DGLUCY: variants seen among roughly 807,000 people sequenced by gnomAD.
The protein encoded by DGLUCY is D-glutamate cyclase, mitochondrial.
In DGLUCY, 58 loss-of-function variants were observed where a neutral mutation model predicts 58.5. The ratio of observed to expected loss-of-function variants is 0.99; its 90% confidence interval spans 0.80 to 1.23. DGLUCY has a LOEUF of 1.23. DGLUCY is among the 50% of genes most tolerant of loss of function. The pLI, the probability that DGLUCY is intolerant of heterozygous loss-of-function variation, is 0.00. For synonymous variants in DGLUCY, 325 were observed against 314.1 expected (o/e 1.03, Z -0.37); for missense variants, 779 against 784.7 (o/e 0.99, Z 0.09).
At chr14:91,139,886 A>G (rs1045547505) in intron 1 of DGLUCY, among the ~76,000 whole-genome samples, 1 of 152,178 alleles carries the variant, frequency 6.6e-6, no homozygotes, top group Non-Finnish European at 1.5e-5. Context: ...GGACTTCAGG[A>G]TTTAAAAGGG....
chr14:91,130,546 T>A (rs1416898966), intron 1 of DGLUCY, among the ~76,000 whole-genome samples: 3 of 152,264 alleles, frequency 2.0e-5, no homozygotes, highest in Non-Finnish European at 2.9e-5. Context: ...GACCTTGTGA[T>A]CCGCCCTCCT....
intron 1 of DGLUCY, among the ~76,000 whole-genome samples, chr14:91,146,720 G>C (rs562294937): frequency 3.6e-4 from 55 of 152,298 alleles, no homozygotes; most frequent in African/African-American, 1.2e-3. Context: ...CAGAATGGAA[G>C]GGGGCCCATG....
intron 1 of DGLUCY, among the ~76,000 whole-genome samples, chr14:91,078,185 C>T (rs1000826792): frequency 6.6e-6 from 1 of 152,084 alleles, no homozygotes; most frequent in Non-Finnish European, 1.5e-5. Flanking sequence ...CCCACCACCA[C>T]GCCTGGCTCC....
At chr14:91,172,919 C>T (rs2048649710) in intron 5 of DGLUCY, among the ~76,000 whole-genome samples, 1 of 152,196 alleles carries the variant, frequency 6.6e-6, no homozygotes, top group Admixed American at 6.5e-5. Flanking sequence ...GCTGGGATTA[C>T]AGGTGTGAGC....
chr14:91,127,228 T>A (rs1451626899), intron 1 of DGLUCY, among the ~76,000 whole-genome samples: 1 of 152,008 alleles, frequency 6.6e-6, no homozygotes, highest in African/African-American at 2.4e-5. Flanking sequence ...GGGTATTTTT[T>A]AAATATTTTG....
At chr14:91,157,556 A>G (rs139172909) in intron 1 of DGLUCY, 83 bp from the exon 2 acceptor site, 66 of 152,186 alleles carry the variant, frequency 4.3e-4, no homozygotes, top group African/African-American at 1.5e-3. Flanking sequence ...GTCACCATAT[A>G]TGGTGGTAGT....
At chr14:91,135,653 T>TAAAAAAAAAAAAA in intron 1 of DGLUCY, among the ~76,000 whole-genome samples, 1 of 100,316 alleles carries the variant, frequency 1.0e-5, no homozygotes, top group Non-Finnish European at 1.8e-5. Flanking sequence ...TCTGCCTCAT[T>TAAAAAAAAAAAAA]AAAAAAAAAA....
intron 1 of DGLUCY, among the ~76,000 whole-genome samples, chr14:91,117,413 C>T (rs191685898): frequency 1.0e-3 from 154 of 152,232 alleles, no homozygotes; most frequent in Non-Finnish European, 1.9e-3. Flanking sequence ...TACCCAGCCC[C>T]TGTTCGAGAT....
chr14:91,085,473 G>T (rs1467337108), intron 1 of DGLUCY, among the ~76,000 whole-genome samples: 1 of 151,540 alleles, frequency 6.6e-6, no homozygotes, highest in African/African-American at 2.4e-5. Flanking sequence ...AGTCGGTACA[G>T]TTGTCCCTCA....
At chr14:91,171,100 G>A (rs888225506) in intron 5 of DGLUCY, among the ~76,000 whole-genome samples, 1 of 152,124 alleles carries the variant, frequency 6.6e-6, no homozygotes, top group African/African-American at 2.4e-5. Flanking sequence ...TCTGGCTCTG[G>A]AACACAGCAC....
intron 1 of DGLUCY, among the ~76,000 whole-genome samples, chr14:91,139,558 G>A (rs932181430): frequency 6.6e-6 from 1 of 152,262 alleles, no homozygotes; most frequent in South Asian, 2.1e-4. Context: ...GGTGGCTTGT[G>A]CCTATAATCC....
chr14:91,180,657 CTA>C (rs1216130427), intron 7 of DGLUCY, among the ~76,000 whole-genome samples: 1 of 151,358 alleles, frequency 6.6e-6, no homozygotes, highest in Admixed American at 6.6e-5. Flanking sequence ...TTCTTAATAA[CTA>C]TGCTAGAGTG....
intron 5 of DGLUCY, among the ~76,000 whole-genome samples, chr14:91,171,487 T>C (rs761569228): frequency 7.9e-5 from 12 of 152,310 alleles, no homozygotes; most frequent in South Asian, 2.1e-4. Flanking sequence ...TGGGATTCCA[T>C]TGGCCACCCC....
rs138724609 is a variant in DGLUCY, at chr14:91,205,699, C to T, written c.1564+874C>T. Among the ~76,000 whole-genome samples, 520 of 151,612 alleles carry T rather than the reference C, an allele frequency of 3.4e-3. 9 individuals are homozygous for T. The highest frequency in any genetic ancestry group is 0.018 in the Admixed American group (277 of 15,230). Reference sequence around the variant, plus strand: ...AATGGATATTAGAAAAAAATCCCCTCGTGCTTGCATCATTGGAGGGAAAAA... The same window carrying T: ...AATGGATATTAGAAAAAAATCCCCTTGTGCTTGCATCATTGGAGGGAAAAA... On this transcript the variant is annotated intron_variant, in intron 12 of 13. Coordinates refer to ENST00000256324, the MANE Select transcript of DGLUCY (RefSeq NM_001102368.3).
At chr14:91,214,287 G>C (rs1300634614) in intron 12 of DGLUCY, among the ~76,000 whole-genome samples, 1 of 152,176 alleles carries the variant, frequency 6.6e-6, no homozygotes, top group Non-Finnish European at 1.5e-5. Context: ...TGGTGCTCTA[G>C]CACTTATTGC....
chr14:91,160,944 A>G (rs1382629160), intron 3 of DGLUCY, among the ~76,000 whole-genome samples: 1 of 152,258 alleles, frequency 6.6e-6, no homozygotes, highest in Non-Finnish European at 1.5e-5. Flanking sequence ...TAAGTGCCCA[A>G]GGAAAAACCA....
intron 13 of DGLUCY, among the ~76,000 whole-genome samples, chr14:91,221,244 G>A (rs1887447477): frequency 6.6e-6 from 1 of 152,242 alleles, no homozygotes; most frequent in Non-Finnish European, 1.5e-5. Context: ...ATGCCCAGTG[G>A]TAGGTAGGGA....
chr14:91,224,687 G>GA lies in DGLUCY; in HGVS notation c.1726dup (p.Met576AsnfsTer84), dbSNP rs771232826. 15 of 1,587,548 alleles carry GA rather than the reference G, an allele frequency of 9.4e-6. No individual in the cohort carries two copies. The East Asian group carries it at 3.4e-4, about 36-fold the overall frequency. Reference sequence around the variant, plus strand: ...TTTCTGCCCTATTTTTTTCCAGGAAGAAAAAATGCTGGGCATCTTGGTGCA... The same window carrying GA: ...TTTCTGCCCTATTTTTTTCCAGGAAGAAAAAAATGCTGGGCATCTTGGTGCA... On this transcript the variant is annotated frameshift_variant, in exon 14 of 14. Coordinates refer to ENST00000256324, the MANE Select transcript of DGLUCY (RefSeq NM_001102368.3). LOFTEE classifies it low-confidence loss of function (END_TRUNC).
intron 2 of DGLUCY, among the ~76,000 whole-genome samples, chr14:91,158,120 C>T (rs535149214): frequency 6.6e-6 from 1 of 152,312 alleles, no homozygotes; most frequent in South Asian, 2.1e-4. Context: ...GTGCTAGGTC[C>T]TCTCTGCAGT....
Sources: gnomAD v4.1 joint callset for allele counts (sites outside exome capture counted in the v4.1 genomes callset) on GRCh38, gnomAD v4.1.1 for gene constraint, MANE v1.5 for transcripts, NCBI Gene and HGNC (gene_info 2026-07-23, HGNC 2026-07-21) for gene names.